BTBD2: variants seen among roughly 807,000 people sequenced by gnomAD.
The protein encoded by BTBD2 is BTB domain containing 2.
In BTBD2, 15 loss-of-function variants were observed where a neutral mutation model predicts 44.0. The ratio of observed to expected loss-of-function variants is 0.34; its 90% CI spans 0.23 to 0.53. BTBD2 has a LOEUF of 0.53. BTBD2 is among the 20% of genes least tolerant of loss of function. The pLI is 0.95. For missense variants in BTBD2, 657 were observed against 746.4 expected (o/e 0.88, Z 1.39); for synonymous variants, 443 against 335.9 (o/e 1.32, Z -3.49).
At chr19:1,996,545 CA>C (rs111933486) in intron 2 of BTBD2, among the ~76,000 whole-genome samples, 227 of 99,280 alleles carry the variant, frequency 2.3e-3, no homozygotes, top group Admixed American at 6.6e-3. Flanking sequence ...GCAAAACTGT[CA>C]AAAAAAAAAA....
intron 5 of BTBD2, among the ~76,000 whole-genome samples, chr19:1,988,785 T>G (rs2016131187): frequency 6.6e-6 from 1 of 152,020 alleles, no homozygotes; most frequent in African/African-American, 2.4e-5. Context: ...GTATTTTTAG[T>G]AGAGACGGGG....
At chr19:2,009,306 C>A (rs1384350088) in intron 1 of BTBD2, among the ~76,000 whole-genome samples, 1 of 151,716 alleles carries the variant, frequency 6.6e-6, no homozygotes, top group Non-Finnish European at 1.5e-5. Context: ...TCAAGCAATT[C>A]TCCTGCCTCA....
chr19:2,000,560 C>T (rs1487326278), intron 1 of BTBD2, among the ~76,000 whole-genome samples: 2 of 152,170 alleles, frequency 1.3e-5, no homozygotes, highest in Non-Finnish European at 2.9e-5. Flanking sequence ...CCTCCAACAC[C>T]GAGCCCCTCC....
chr19:2,015,477 C>T lies in BTBD2; in HGVS notation c.227G>A (p.Arg76Gln). Residue 76 changes from arginine (R) to glutamine (Q), a missense_variant, in exon 1 of 9, where the codon CGG becomes CAG. Transcript: ENST00000255608. ...GTDAQAAGAE[R>Q]AEEAAGPGAA... The stretch of plus-strand genomic sequence containing the variant: ...CCCCGGGCCCGCCGCCTCCTCCGCC[C>T]GCTCCGCGCCCGCGGCCTGCGCGTC... 8.0e-7 allele frequency: 1 copy of T among 1,243,860 alleles called. No homozygotes were observed. Among genetic ancestry groups the T allele is most frequent in the Middle Eastern group, 3.2e-4 (1 of 3,150 alleles). 77.1% of individuals were successfully genotyped at this position (1,243,860 alleles called of 1,614,324 possible). A position where few individuals can be genotyped will look rare whatever the true frequency, so the allele number is the denominator to read the frequency against.
intron 2 of BTBD2, among the ~76,000 whole-genome samples, chr19:1,995,276 A>AT (rs199549335): frequency 0.16 from 15,874 of 97,758 alleles, 1,059 homozygotes; most frequent in African/African-American, 0.26. Flanking sequence ...CATACTTTGG[A>AT]TTCTTTTTTT....
At chr19:2,013,710 G>A in intron 1 of BTBD2, 1 of 983,514 alleles carries the variant, frequency 1.0e-6, no homozygotes, top group Non-Finnish European at 1.2e-6. Context: ...GGGCGGGCAG[G>A]GGGTATCCCT....
At chr19:1,993,424 C>G (rs1221778566) in intron 2 of BTBD2, among the ~76,000 whole-genome samples, 2 of 152,216 alleles carry the variant, frequency 1.3e-5, no homozygotes, top group African/African-American at 2.4e-5. Context: ...CCCATCTACA[C>G]AGCACACACC....
In BTBD2 at chr19:2,012,223, G is replaced by T. The variant is rs1343216012; in HGVS notation, c.407+3074C>A. 1.3e-5 allele frequency among the ~76,000 whole-genome samples: 2 copies of T among 149,824 alleles called. 1 individual carries two copies. Among genetic ancestry groups the T allele is most frequent in the Admixed American group, 1.3e-4 (2 of 14,994 alleles). On this transcript the variant is annotated intron_variant, in intron 1 of 8. Coordinates refer to ENST00000255608, the MANE Select transcript of BTBD2 (RefSeq NM_017797.4). The stretch of plus-strand genomic sequence containing the variant: ...GCTGGAGTGCAATGGCGCAATCTCG[G>T]TTCCCTGCAACCTCCACCTCCTGGG...
rs1333207754 is a variant in BTBD2, at chr19:1,986,647, G to A, written c.1419C>T (p.Gly473=). ...VNYTACATLK[G]PDSHYGTKGL... ...CTTTGGTGCCGTAGTGGGAGTCTGG[G>A]CCCTGTAGGGAATAGGGGTACAGTG... The change falls in exon 9 of 9, where the codon GGC becomes GGT. Residue 473 remains glycine, a splice_region_variant and synonymous_variant. Coordinates refer to ENST00000255608, the MANE Select transcript of BTBD2 (RefSeq NM_017797.4). 6.2e-7 allele frequency: 1 copy of A among 1,613,632 alleles called. No homozygotes were observed. Among genetic ancestry groups the A allele is most frequent in the Admixed American group, 1.7e-5 (1 of 60,010 alleles).
In BTBD2 at chr19:1,998,849, G is replaced by A. The variant is rs545668461; in HGVS notation, c.408-1386C>T. ...ACGCTCGCGAAGTGGGATCACAGACGCTCGGCCTGCGCGCGGCGGAGCACC... is the reference window on the plus strand; with the variant it reads ...ACGCTCGCGAAGTGGGATCACAGACACTCGGCCTGCGCGCGGCGGAGCACC... On this transcript the variant is annotated intron_variant, in intron 1 of 8. Coordinates refer to ENST00000255608, the MANE Select transcript of BTBD2 (RefSeq NM_017797.4). 7.2e-5 allele frequency among the ~76,000 whole-genome samples: 11 copies of A among 152,194 alleles called. No individual in the cohort carries two copies. In the South Asian group the frequency reaches 1.0e-3, roughly 14 times the overall value.
chr19:1,989,689 C>T (rs2016145026), intron 5 of BTBD2: 4 of 412,124 alleles, frequency 9.7e-6, no homozygotes, highest in South Asian at 7.0e-5. Flanking sequence ...GTCACAGACA[C>T]TGGTACCTGC....
intron 1 of BTBD2, among the ~76,000 whole-genome samples, chr19:2,004,579 G>A (rs973793992): frequency 2.0e-5 from 3 of 151,076 alleles, no homozygotes; most frequent in East Asian, 4.0e-4. Flanking sequence ...TTACAGGCGT[G>A]AGCCACCGCC....
At chr19:1,998,755 A>C (rs1419262864) in intron 1 of BTBD2, among the ~76,000 whole-genome samples, 1 of 152,104 alleles carries the variant, frequency 6.6e-6, no homozygotes, top group Non-Finnish European at 1.5e-5. Context: ...GGGGGCTGAG[A>C]GCACACACAG....
At chr19:2,013,622 AG>A in intron 1 of BTBD2, 1 of 984,538 alleles carries the variant, frequency 1.0e-6, no homozygotes, top group Non-Finnish European at 1.2e-6. Context: ...GGGAGGTGGC[AG>A]GGCCCAGGGG....
Position 1,990,063 on chromosome 19 carries a change from A to C in BTBD2, c.929T>G (p.Leu310Arg). The C allele has an allele frequency of 6.2e-7, 1 of 1,613,370 alleles. No individual in the cohort carries two copies. The highest frequency in any genetic ancestry group is 8.5e-7 in the Non-Finnish European group (1 of 1,180,036). The change falls in exon 5 of 9, where the codon CTG becomes CGG. Residue 310 changes from leucine (L) to arginine (R), a missense_variant. This residue lies in a region of BTBD2 where 449 missense variants were observed against 510.9 expected (regional missense o/e 0.88). Coordinates refer to ENST00000255608, the MANE Select transcript of BTBD2 (RefSeq NM_017797.4). ...GCGAATGAGGCCCAGGGCCTTGCCCAGAACCTTCCGCCTGTTCTCTGGCGT... is the reference window on the plus strand; with the variant it reads ...GCGAATGAGGCCCAGGGCCTTGCCCCGAACCTTCCGCCTGTTCTCTGGCGT... ...QVTPENRRKV[L>R]GKALGLIRFP...
intron 2 of BTBD2, among the ~76,000 whole-genome samples, chr19:1,996,112 A>G (rs1207302204): frequency 1.3e-5 from 2 of 152,146 alleles, no homozygotes; most frequent in African/African-American, 4.8e-5. Flanking sequence ...ATTTAACCCT[A>G]TGTGCAAAGG....
intron 1 of BTBD2, among the ~76,000 whole-genome samples, chr19:2,005,759 G>A (rs111263723): frequency 0.013 from 1,891 of 145,138 alleles, 33 homozygotes; most frequent in African/African-American, 0.045. Context: ...TCCAGCCTGG[G>A]AACAAGAGCA....
chr19:2,006,688 TAA>T (rs968993445), intron 1 of BTBD2, among the ~76,000 whole-genome samples: 4 of 151,674 alleles, frequency 2.6e-5, no homozygotes, highest in Admixed American at 6.6e-5. Flanking sequence ...TTTTGTAAAT[TAA>T]GTTTTTTTTT....
At chr19:2,006,815 C>T (rs145610461) in intron 1 of BTBD2, among the ~76,000 whole-genome samples, 1,893 of 151,864 alleles carry the variant, frequency 0.012, 38 homozygotes, top group African/African-American at 0.044. Flanking sequence ...CAGCCTCCTA[C>T]GTAGCTGGGA....
Sources: gnomAD v4.1 joint callset for allele counts (sites outside exome capture counted in the v4.1 genomes callset) on GRCh38, gnomAD v4.1.1 for gene constraint, gnomAD v4.1.1 regional missense constraint, MANE v1.5 for transcripts, NCBI Gene and HGNC (gene_info 2026-07-23, HGNC 2026-07-21) for gene names.